The following RMDN2 variants were observed in gnomAD, a reference collection of about 807,000 sequenced individuals.
RMDN2 encodes regulator of microtubule dynamics 2.
RMDN2 carries 61 observed loss-of-function variants against 52.8 expected under a neutral mutation model. The observed-to-expected ratio is 1.16, with a 90% confidence interval of 0.94 to 1.43. RMDN2 has a LOEUF of 1.43. RMDN2 is among the 40% of genes most tolerant of loss of function. RMDN2 has a pLI of 0.00. For synonymous variants in RMDN2, 180 were observed against 153.1 expected (o/e 1.18, Z -1.30); for missense variants, 592 against 475.3 (o/e 1.25, Z -2.28).
At chr2:37,980,456 A>AC (rs2125096969) in intron 4 of RMDN2, among the ~76,000 whole-genome samples, 1 of 152,228 alleles carries the variant, frequency 6.6e-6, no homozygotes, top group East Asian at 1.9e-4. Context: ...GGCATGCACC[A>AC]CCACGCCCAG....
At chr2:37,977,900 C>T (rs535009124) in intron 4 of RMDN2, among the ~76,000 whole-genome samples, 4 of 152,254 alleles carry the variant, frequency 2.6e-5, no homozygotes, top group Admixed American at 6.5e-5. Context: ...AGAGACGCTC[C>T]TCACTTCCTA....
chr2:37,992,131 A>C (rs1202593442), intron 7 of RMDN2, among the ~76,000 whole-genome samples: 2 of 150,418 alleles, frequency 1.3e-5, no homozygotes, highest in Non-Finnish European at 3.0e-5. Flanking sequence ...GCTGTGAAGC[A>C]GTTATTATTA....
At chr2:38,061,209 C>CA (rs1682033329) in intron 10 of RMDN2, among the ~76,000 whole-genome samples, 1 of 151,984 alleles carries the variant, frequency 6.6e-6, no homozygotes, top group African/African-American at 2.4e-5. Context: ...CAAGTGTCCT[C>CA]TTACATCCTC....
intron 10 of RMDN2, among the ~76,000 whole-genome samples, chr2:38,037,175 T>G (rs1680641010): frequency 6.6e-6 from 1 of 152,180 alleles, no homozygotes; most frequent in Non-Finnish European, 1.5e-5. Flanking sequence ...AGTTTCCTCA[T>G]CTGTAAAATG....
intron 10 of RMDN2, among the ~76,000 whole-genome samples, chr2:38,016,195 T>A (rs983001480): frequency 6.6e-6 from 1 of 152,218 alleles, no homozygotes; most frequent in African/African-American, 2.4e-5. Context: ...CAGATTCATA[T>A]GTGGGAAAAT....
At chr2:38,018,673 A>C (rs1274256156), downstream of RMDN2, among the ~76,000 whole-genome samples, 2 of 152,264 alleles carry the variant, frequency 1.3e-5, no homozygotes, top group Admixed American at 6.5e-5. Flanking sequence ...GGTGGGGAAT[A>C]CACTAAAATA....
intron 10 of RMDN2, among the ~76,000 whole-genome samples, chr2:38,005,375 CTT>C (rs1014890289): frequency 9.9e-5 from 15 of 152,106 alleles, no homozygotes; most frequent in Non-Finnish European, 1.9e-4. Context: ...TGTTTCCTGA[CTT>C]TTTAATGATT....
intron 2 of RMDN2, among the ~76,000 whole-genome samples, chr2:37,944,426 A>G (rs1414112065): frequency 6.6e-6 from 1 of 152,136 alleles, no homozygotes; most frequent in Non-Finnish European, 1.5e-5. Flanking sequence ...CATAGGCAGT[A>G]TGAGTATGGC....
intron 10 of RMDN2, among the ~76,000 whole-genome samples, chr2:38,066,588 C>T (rs1022289273): frequency 5.3e-5 from 8 of 152,134 alleles, no homozygotes; most frequent in African/African-American, 1.4e-4. Flanking sequence ...AACAGACTGG[C>T]GTTGAGGTTG....
chr2:37,963,709 C>A (rs940753721), intron 2 of RMDN2, among the ~76,000 whole-genome samples: 1 of 152,216 alleles, frequency 6.6e-6, no homozygotes, highest in African/African-American at 2.4e-5. Flanking sequence ...TCTCCTATGT[C>A]TACTTCTTTC....
At chr2:38,016,857 CT>C (rs1271365868) in intron 10 of RMDN2, among the ~76,000 whole-genome samples, 1 of 151,902 alleles carries the variant, frequency 6.6e-6, no homozygotes, top group Non-Finnish European at 1.5e-5. Context: ...ATACTTCATG[CT>C]GGAGAAGGAA....
At chr2:37,980,594 A>C (rs991511566) in intron 4 of RMDN2, among the ~76,000 whole-genome samples, 14 of 152,156 alleles carry the variant, frequency 9.2e-5, no homozygotes, top group African/African-American at 3.4e-4. Context: ...GTGAGCCACC[A>C]GGTCCAGCCC....
At position 37,974,092 on chromosome 2, in the gene RMDN2, G is replaced by A; in HGVS notation, c.505G>A (p.Ala169Thr). 2 of 1,612,666 alleles carry A rather than the reference G, an allele frequency of 1.2e-6. No individual in the cohort carries two copies. Among genetic ancestry groups the A allele is most frequent in the Non-Finnish European group, 1.7e-6 (2 of 1,179,096 alleles). The stretch of plus-strand genomic sequence containing the variant: ...AGAACAGAGTTTTCCAGTCCCTAAG[G>A]CATTTAACACACGTGTAGAGGAATT... ...TEEQSFPVPK[A>T]FNTRVEELNL... is the part of the protein sequence containing the mutation. The change falls in exon 3 of 11, where the codon GCA becomes ACA. Residue 169 changes from alanine to threonine, a missense_variant. By Grantham distance (58) the Ala-to-Thr change is moderately conservative (BLOSUM62 0). Transcript: ENST00000354545.
At chr2:38,020,091 C>A (rs563136600), downstream of RMDN2, among the ~76,000 whole-genome samples, 23 of 152,168 alleles carry the variant, frequency 1.5e-4, no homozygotes, top group African/African-American at 5.5e-4. Flanking sequence ...GCACCAGGGG[C>A]CAGTTTCATG....
chr2:37,927,342 T>C (rs1441937823), intron 1 of RMDN2, among the ~76,000 whole-genome samples: 1 of 152,196 alleles, frequency 6.6e-6, no homozygotes, highest in African/African-American at 2.4e-5. Context: ...ACTGGGTAAG[T>C]GACTTGACAC....
chr2:37,989,728 C>G, intron 6 of RMDN2, 112 bp downstream of exon 6: 1 of 641,478 alleles, frequency 1.6e-6, no homozygotes, highest in Non-Finnish European at 2.6e-6. Context: ...TGGGTATAAA[C>G]CAGATTATTC....
intron 10 of RMDN2, among the ~76,000 whole-genome samples, chr2:38,056,506 T>C (rs1681860468): frequency 6.6e-6 from 1 of 152,226 alleles, no homozygotes; most frequent in Non-Finnish European, 1.5e-5. Context: ...CTACTAGTGC[T>C]TAACAATGCT....
chr2:38,034,241 G>T (rs1432597647), intron 10 of RMDN2, among the ~76,000 whole-genome samples: 4 of 152,170 alleles, frequency 2.6e-5, no homozygotes, highest in Non-Finnish European at 5.9e-5. Context: ...TCCTTCAGCC[G>T]TGACACTAAA....
chr2:37,952,869 T>C (rs960984162), intron 2 of RMDN2: 1 of 152,036 alleles, frequency 6.6e-6, no homozygotes, highest in African/African-American at 2.4e-5. Context: ...GGAAAAAGTA[T>C]GTATATTAGT....
Sources: gnomAD v4.1 joint callset for allele counts (sites outside exome capture counted in the v4.1 genomes callset) on GRCh38, gnomAD v4.1.1 for gene constraint, MANE v1.5 for transcripts, NCBI Gene and HGNC (gene_info 2026-07-23, HGNC 2026-07-21) for gene names.